INSL6: variants seen among roughly 807,000 people sequenced by gnomAD.
The protein encoded by INSL6 is insulin-like peptide INSL6.
INSL6 carries 16 observed loss-of-function variants against 9.4 expected under a neutral mutation model. That is an observed-to-expected ratio of 1.70 (90% CI 1.15 to 2.59). The LOEUF is 2.59. Ranked by LOEUF, INSL6 falls within the 30% of genes most tolerant of loss-of-function variation. The probability of loss-of-function intolerance (pLI) is 0.00; values close to 1 mark genes in which losing one functional copy is unlikely to be tolerated. For missense variants in INSL6, 391 were observed against 257.3 expected (o/e 1.52, Z -3.56); for synonymous variants, 154 against 96.9 (o/e 1.59, Z -3.46).
At chr9:5,158,741 C>T (rs1259531386) in intron 2 of INSL6, among the ~76,000 whole-genome samples, 2 of 151,930 alleles carry the variant, frequency 1.3e-5, no homozygotes, top group Non-Finnish European at 1.5e-5. Flanking sequence ...ATCTGTCCCA[C>T]AAAAAATGTT....
the INSL6 span, among the ~76,000 whole-genome samples, chr9:4,993,775 C>T: frequency 6.6e-6 from 1 of 152,228 alleles, no homozygotes; most frequent in Admixed American, 6.5e-5. Context: ...ACTGTCATTT[C>T]TTCATAACGT....
At chr9:5,111,879 C>CA in the INSL6 span, 1 of 374,994 alleles carries the variant, frequency 2.7e-6, no homozygotes, top group South Asian at 2.0e-5. Flanking sequence ...GGACCACAGC[C>CA]AGCAGCTCTG....
At chr9:5,032,603 T>G in the INSL6 span, among the ~76,000 whole-genome samples, 1 of 152,242 alleles carries the variant, frequency 6.6e-6, no homozygotes, top group Non-Finnish European at 1.5e-5. Context: ...TCCGCTGTTC[T>G]GCAGCCACTG....
the INSL6 span, among the ~76,000 whole-genome samples, chr9:5,009,001 T>G: frequency 6.6e-6 from 1 of 152,230 alleles, no homozygotes; most frequent in African/African-American, 2.4e-5. Flanking sequence ...TTGAGTCGTA[T>G]TATTCAACTC....
the INSL6 span, among the ~76,000 whole-genome samples, chr9:5,044,122 CT>C: frequency 6.6e-6 from 1 of 152,188 alleles, no homozygotes; most frequent in Non-Finnish European, 1.5e-5. Flanking sequence ...ATGTTTTTAA[CT>C]TTTTGTTAAT....
At chr9:5,147,754 ATTCT>A (rs1182224721) in intron 2 of INSL6, among the ~76,000 whole-genome samples, 3 of 151,984 alleles carry the variant, frequency 2.0e-5, no homozygotes, top group Admixed American at 6.6e-5. Flanking sequence ...TTCATTTTTA[ATTCT>A]TTATTTTTGA....
At chr9:5,104,999 A>T in the INSL6 span, among the ~76,000 whole-genome samples, 1 of 152,220 alleles carries the variant, frequency 6.6e-6, no homozygotes, top group Non-Finnish European at 1.5e-5. Flanking sequence ...AAACTGGCAA[A>T]AGACAAGGAT....
chr9:5,064,936 T>C, the INSL6 span: 3 of 1,600,520 alleles, frequency 1.9e-6, no homozygotes, highest in Non-Finnish European at 2.6e-6. Context: ...CATTAATTGA[T>C]GGATATTATA....
the INSL6 span, among the ~76,000 whole-genome samples, chr9:5,102,376 G>A: frequency 6.6e-6 from 1 of 152,302 alleles, no homozygotes; most frequent in South Asian, 2.1e-4. Context: ...AAGCCTACAA[G>A]AAATACAGGA....
the INSL6 span, among the ~76,000 whole-genome samples, chr9:5,089,147 A>ATAAT: frequency 6.6e-6 from 1 of 152,208 alleles, no homozygotes; most frequent in Non-Finnish European, 1.5e-5. Flanking sequence ...ATTTCAGCCT[A>ATAAT]TAATTCCTTT....
At chr9:5,129,086 G>C (rs953365044) in intron 3 of INSL6, among the ~76,000 whole-genome samples, 5 of 151,940 alleles carry the variant, frequency 3.3e-5, no homozygotes, top group Non-Finnish European at 7.4e-5. Context: ...TTACAGTCAA[G>C]TGTAATTTTC....
the INSL6 span, among the ~76,000 whole-genome samples, chr9:5,061,994 G>A: frequency 1.3e-5 from 2 of 152,146 alleles, no homozygotes; most frequent in East Asian, 1.9e-4. Context: ...TAGCTATTCG[G>A]TGGAGCAGTC....
the INSL6 span, among the ~76,000 whole-genome samples, chr9:5,039,848 T>C: frequency 1.3e-5 from 2 of 152,152 alleles, no homozygotes; most frequent in Non-Finnish European, 2.9e-5. Flanking sequence ...TGGAAAGATA[T>C]CTCATAGAGG....
the INSL6 span, among the ~76,000 whole-genome samples, chr9:4,999,128 G>A: frequency 6.6e-6 from 1 of 152,070 alleles, no homozygotes; most frequent in Admixed American, 6.5e-5. Flanking sequence ...CCCGGGCTCA[G>A]GAGGTCTTTT....
chr9:5,112,073 G>T, the INSL6 span: 1 of 390,860 alleles, frequency 2.6e-6, no homozygotes, highest in South Asian at 1.9e-5. Flanking sequence ...ACGGCCTGGA[G>T]AGTAAGATAG....
chr9:5,123,252 C>T (rs1429642755), downstream of INSL6: 2 of 564,080 alleles, frequency 3.5e-6, no homozygotes, highest in East Asian at 2.9e-5. Context: ...TTAGGGTATC[C>T]ACCACCTTAA....
chr9:5,088,429 T>C, the INSL6 span, among the ~76,000 whole-genome samples: 1 of 152,196 alleles, frequency 6.6e-6, no homozygotes, highest in African/African-American at 2.4e-5. Context: ...CAAAATACAC[T>C]AATTTGATTA....
the INSL6 span, among the ~76,000 whole-genome samples, chr9:5,039,400 A>G: frequency 6.6e-6 from 1 of 152,164 alleles, no homozygotes; most frequent in African/African-American, 2.4e-5. Context: ...GGTATTATAA[A>G]TAGTCTAGAG....
the INSL6 span, chr9:5,098,411 G>C: frequency 1.6e-3 from 245 of 151,986 alleles, no homozygotes; most frequent in African/African-American, 5.8e-3. Flanking sequence ...CTCACTTTCC[G>C]TGACCACGTT....
Sources: allele counts gnomAD v4.1 joint callset (sites outside exome capture counted in the v4.1 genomes callset), GRCh38; gene constraint gnomAD v4.1.1; transcripts MANE v1.5; gene names NCBI Gene and HGNC (gene_info 2026-07-23, HGNC 2026-07-21).